Variants in TMEM38B observed in about 807,000 individuals in gnomAD.
TMEM38B encodes the protein transmembrane protein 38B.
Under a neutral mutation model 28.7 loss-of-function variants are expected in TMEM38B, and 24 were observed. The observed-to-expected ratio is 0.84, with a 90% CI of 0.61 to 1.18. The LOEUF (loss-of-function observed/expected upper bound fraction) is 1.18. Ranked by LOEUF, TMEM38B falls within the 50% of genes most tolerant of loss-of-function variation. The pLI is 0.00. For synonymous variants in TMEM38B, 131 were observed against 127.7 expected (o/e 1.03, Z -0.17); for missense variants, 380 against 350.9 (o/e 1.08, Z -0.66).
chr9:105,707,352 A>G (rs1479629634), intron 2 of TMEM38B, among the ~76,000 whole-genome samples: 1 of 152,170 alleles, frequency 6.6e-6, no homozygotes, highest in Non-Finnish European at 1.5e-5. Context: ...ATTCTTGCAA[A>G]TCCAAATTCG....
chr9:105,715,136 A>G (rs1307963374), intron 2 of TMEM38B, among the ~76,000 whole-genome samples: 8 of 152,148 alleles, frequency 5.3e-5, no homozygotes, highest in Non-Finnish European at 1.2e-4. Context: ...TCTTAGAGTA[A>G]TGTTAAAGAC....
At chr9:105,770,944 A>G (rs951568589) in intron 5 of TMEM38B, among the ~76,000 whole-genome samples, 2 of 152,214 alleles carry the variant, frequency 1.3e-5, no homozygotes, top group African/African-American at 4.8e-5. Context: ...GCTAGGCACT[A>G]TAGAGAATAT....
At chr9:105,707,181 AC>A (rs1366374097) in intron 2 of TMEM38B, among the ~76,000 whole-genome samples, 1 of 152,238 alleles carries the variant, frequency 6.6e-6, no homozygotes, top group Non-Finnish European at 1.5e-5. Flanking sequence ...CAGATATACA[AC>A]ATGATAAAAT....
In TMEM38B at chr9:105,755,183, G is replaced by T. The variant is rs568090476; in HGVS notation, c.660+6993G>T. 4.6e-5 allele frequency among the ~76,000 whole-genome samples: 7 copies of T among 152,282 alleles called. No individual in the cohort carries two copies. In the South Asian group the frequency reaches 1.5e-3, roughly 32 times the overall value. On this transcript the variant is annotated intron_variant, in intron 5 of 5. Coordinates refer to ENST00000374692, the MANE Select transcript of TMEM38B (RefSeq NM_018112.3). ...ACCAAAAAAAGCCCAGGACCAGATGGATTCACAGCTGAATTATACCAGAGG... is the reference window on the plus strand; with the variant it reads ...ACCAAAAAAAGCCCAGGACCAGATGTATTCACAGCTGAATTATACCAGAGG...
chr9:105,746,564 T>C (rs958746578), intron 4 of TMEM38B, among the ~76,000 whole-genome samples: 1 of 152,182 alleles, frequency 6.6e-6, no homozygotes, highest in African/African-American at 2.4e-5. Flanking sequence ...CTGAATACTC[T>C]TTATTTCTTT....
intron 4 of TMEM38B, among the ~76,000 whole-genome samples, chr9:105,744,563 TTTTTTTTA>T (rs1433600040): frequency 1.2e-3 from 183 of 151,858 alleles, no homozygotes; most frequent in African/African-American, 4.1e-3. Flanking sequence ...ATGTAATTTC[TTTTTTTTA>T]TTTTTTTATT....
chr9:105,746,920 C>T (rs10816315), intron 4 of TMEM38B, among the ~76,000 whole-genome samples: 35,523 of 152,032 alleles, frequency 0.23, 6,809 homozygotes, highest in African/African-American at 0.51. Flanking sequence ...ATCCCAGGGA[C>T]GAAGCCCACT....
chr9:105,772,827 A>C (rs1205953832), intron 5 of TMEM38B, among the ~76,000 whole-genome samples: 1 of 152,086 alleles, frequency 6.6e-6, no homozygotes, highest in African/African-American at 2.4e-5. Flanking sequence ...ATTTTCACCT[A>C]ACAGTATGTT....
chr9:105,756,298 A>C (rs1837830174), intron 5 of TMEM38B, among the ~76,000 whole-genome samples: 1 of 152,208 alleles, frequency 6.6e-6, no homozygotes, highest in Non-Finnish European at 1.5e-5. Flanking sequence ...TCCTGGCTAG[A>C]ACCTTCAGTA....
chr9:105,770,743 C>T (rs1826518231), intron 5 of TMEM38B, among the ~76,000 whole-genome samples: 2 of 151,942 alleles, frequency 1.3e-5, no homozygotes, highest in South Asian at 4.2e-4. Flanking sequence ...TGATAAGGGC[C>T]TATTGGAATA....
Position 105,741,408 on chromosome 9 carries a change from C to T in TMEM38B, c.543-6665C>T, listed in dbSNP as rs529847889. Among the ~76,000 whole-genome samples the T allele has an allele frequency of 7.2e-5, 11 of 151,986 alleles. No homozygotes were observed. In the East Asian group the frequency reaches 7.7e-4, roughly 11 times the overall value. On this transcript the variant is annotated intron_variant, in intron 4 of 5. Transcript: ENST00000374692. ...TTAAAGGCATTTCTGGTGAGGGGTC[C>T]GAAGGAAGTGAGGAGCATATTAGAG...
At chr9:105,728,140 C>T (rs539519356) in intron 4 of TMEM38B, among the ~76,000 whole-genome samples, 5 of 152,132 alleles carry the variant, frequency 3.3e-5, no homozygotes, top group South Asian at 4.2e-4. Flanking sequence ...ATGTGTACAA[C>T]GTGCAGGTTT....
At chr9:105,732,210 A>T (rs966283482) in intron 4 of TMEM38B, among the ~76,000 whole-genome samples, 1 of 151,922 alleles carries the variant, frequency 6.6e-6, no homozygotes, top group Non-Finnish European at 1.5e-5. Flanking sequence ...GGATATTAGC[A>T]CTTTGTCAGA....
intron 1 of TMEM38B, among the ~76,000 whole-genome samples, chr9:105,698,279 C>A (rs1027984176): frequency 1.3e-5 from 2 of 152,018 alleles, no homozygotes; most frequent in Non-Finnish European, 2.9e-5. Flanking sequence ...TAGTGAGTGA[C>A]TTTGTCTTAC....
intron 5 of TMEM38B, among the ~76,000 whole-genome samples, chr9:105,753,537 CA>C (rs1837731930): frequency 6.6e-6 from 1 of 152,108 alleles, no homozygotes; most frequent in East Asian, 1.9e-4. Flanking sequence ...AAAGAATTTC[CA>C]ACCCAGAATT....
chr9:105,767,627 G>T, intron 5 of TMEM38B, among the ~76,000 whole-genome samples: 1 of 152,062 alleles, frequency 6.6e-6, no homozygotes, highest in African/African-American at 2.4e-5. Flanking sequence ...CTATTTTGTG[G>T]TCTTCATTGT....
intron 5 of TMEM38B, among the ~76,000 whole-genome samples, chr9:105,753,048 A>G (rs868830527): frequency 6.6e-6 from 1 of 152,252 alleles, no homozygotes; most frequent in Non-Finnish European, 1.5e-5. Context: ...AGCAGAATAC[A>G]TGAAGCAGAG....
intron 4 of TMEM38B, among the ~76,000 whole-genome samples, chr9:105,726,613 T>C (rs920233926): frequency 2.6e-5 from 4 of 152,054 alleles, no homozygotes; most frequent in African/African-American, 9.7e-5. Flanking sequence ...GAGGCTGTTT[T>C]ACAGTTCACT....
At chr9:105,708,486 G>A (rs1336343861) in intron 2 of TMEM38B, among the ~76,000 whole-genome samples, 1 of 152,164 alleles carries the variant, frequency 6.6e-6, no homozygotes, top group Non-Finnish European at 1.5e-5. Flanking sequence ...TGTCACTCAT[G>A]TGCTCAGTAA....
Sources: allele counts gnomAD v4.1 joint callset (sites outside exome capture counted in the v4.1 genomes callset), GRCh38; gene constraint gnomAD v4.1.1; transcripts MANE v1.5; gene names NCBI Gene and HGNC (gene_info 2026-07-23, HGNC 2026-07-21).